Variants in CDKL5 observed in about 807,000 individuals in gnomAD.
CDKL5 encodes the protein cyclin-dependent kinase-like 5.
In CDKL5, 8 loss-of-function variants were observed where a neutral mutation model predicts 61.7. The observed-to-expected ratio is 0.13, with a 90% CI of 0.08 to 0.23. CDKL5 has a LOEUF of 0.23. Among genes scored for constraint, CDKL5 ranks in the 10% least tolerant of loss-of-function variants. The pLI, the probability that CDKL5 is intolerant of heterozygous loss-of-function variation, is 1.00. For missense variants in CDKL5, 440 were observed against 734.5 expected, an observed-to-expected ratio of 0.60 and a Z score of 4.63; for synonymous variants, 275 against 272.3, an observed-to-expected ratio of 1.01 and a Z score of -0.10.
At chrX:18,444,738 T>C (rs1458235077) in intron 1 of CDKL5, among the ~76,000 whole-genome samples, 10 of 112,941 alleles carry the variant, frequency 8.9e-5, no homozygotes, top group Admixed American at 6.6e-4. Flanking sequence ...TTTAAAAATA[T>C]AGTTATGTTT....
At chrX:18,481,102 A>G (rs188655658) in intron 1 of CDKL5, among the ~76,000 whole-genome samples, 37 of 107,828 alleles carry the variant, frequency 3.4e-4, no homozygotes, top group African/African-American at 1.1e-3. Flanking sequence ...CAGATGATCC[A>G]CCCGCCTCGG....
intron 16 of CDKL5, among the ~76,000 whole-genome samples, chrX:18,620,840 T>G (rs1926869107): frequency 9.0e-6 from 1 of 110,908 alleles, no homozygotes; most frequent in Non-Finnish European, 1.9e-5. Context: ...CTCTACCTCC[T>G]GGGCTCAAGT....
intron 1 of CDKL5, among the ~76,000 whole-genome samples, chrX:18,477,229 G>T (rs1921352043): frequency 9.0e-6 from 1 of 111,300 alleles, no homozygotes; most frequent in Non-Finnish European, 1.9e-5. Flanking sequence ...ACCACGCCTG[G>T]CTAATTTTTG....
chrX:18,596,489 T>G (rs1373135389), intron 10 of CDKL5, among the ~76,000 whole-genome samples: 3 of 112,393 alleles, frequency 2.7e-5, no homozygotes, highest in African/African-American at 6.5e-5. Flanking sequence ...AATTAAATAC[T>G]GAATACTGTT....
intron 3 of CDKL5, chrX:18,535,667 C>T (rs1602246638): frequency 6.5e-6 from 1 of 154,231 alleles, no homozygotes; most frequent in East Asian, 1.5e-4. Context: ...TGCTTACTCT[C>T]TCGCCCCCGG....
At chrX:18,529,979 TG>T (rs1331011039) in intron 3 of CDKL5, among the ~76,000 whole-genome samples, 2 of 111,442 alleles carry the variant, frequency 1.8e-5, no homozygotes, top group Non-Finnish European at 3.8e-5. Flanking sequence ...CAATTACATA[TG>T]TTACACCTTT....
rs776844003 is a variant in CDKL5, at chrX:18,564,524, T to TAG, written c.145+4_145+5dup. 1.1e-4 allele frequency: 86 copies of TAG among 779,848 alleles called. No homozygotes were observed. The allele number at this position is 779,848 out of a possible 1,213,427, so 64.3% of individuals were successfully genotyped here. On this transcript the variant is annotated splice_region_variant and intron_variant, in intron 4 of 17. Transcript: ENST00000623535. The stretch of plus-strand genomic sequence containing the variant: ...TCAAGAAATTCAAGGACAGTGAAGG[T>TAG]AGATATATATATATATATATATATA...
chrX:18,586,973 C>G (rs949577744), intron 8 of CDKL5, among the ~76,000 whole-genome samples: 1 of 111,965 alleles, frequency 8.9e-6, no homozygotes, highest in Non-Finnish European at 1.9e-5. Context: ...CTTATTATTG[C>G]AATGATTTGT....
intron 1 of CDKL5, among the ~76,000 whole-genome samples, chrX:18,427,791 A>G (rs1373289439): frequency 9.0e-6 from 1 of 111,350 alleles, no homozygotes; most frequent in Non-Finnish European, 1.9e-5. Context: ...CTTAAAATTT[A>G]TTCATGATTT....
intron 3 of CDKL5, among the ~76,000 whole-genome samples, chrX:18,556,882 CAAAAAAA>C (rs67362338): frequency 2.2e-5 from 1 of 44,961 alleles, no homozygotes; most frequent in Non-Finnish European, 3.5e-5. Context: ...GACTCCGTCT[CAAAAAAA>C]AAAAAAAAAA....
At chrX:18,527,396 A>G (rs1490698341) in intron 3 of CDKL5, among the ~76,000 whole-genome samples, 1 of 111,683 alleles carries the variant, frequency 9.0e-6, no homozygotes. Context: ...AATATTAATA[A>G]TTATTGATCA....
At chrX:18,546,300 C>T (rs866574405) in intron 3 of CDKL5, among the ~76,000 whole-genome samples, 5 of 90,883 alleles carry the variant, frequency 5.5e-5, no homozygotes, top group South Asian at 5.5e-4. Flanking sequence ...TCCCTCTTGT[C>T]GCCCAAGCTG....
At chrX:18,472,607 T>A (rs1449924497) in intron 1 of CDKL5, among the ~76,000 whole-genome samples, 1 of 111,503 alleles carries the variant, frequency 9.0e-6, no homozygotes, top group Non-Finnish European at 1.9e-5. Context: ...TGTGTACTTC[T>A]AGGCTCTTTG....
Position 18,639,104 on chromosome X carries a change from G to T in CDKL5, c.*10347G>T, listed in dbSNP as rs1276783262. Among the ~76,000 whole-genome samples, 1 of 111,480 alleles carries T rather than the reference G, an allele frequency of 9.0e-6. No homozygotes were observed. The highest frequency in any genetic ancestry group is 1.9e-5 in the Non-Finnish European group (1 of 53,093). ...TAAAACTCATAGAAGAAAACATAGG[G>T]GTAAATCTTCATGACCTTGGATTTG... is the stretch of plus-strand genomic sequence containing the variant. On this transcript the variant is annotated 3_prime_UTR_variant, in exon 18 of 18. Coordinates refer to ENST00000623535, the MANE Select transcript of CDKL5 (RefSeq NM_001323289.2).
chrX:18,440,200 C>T (rs1254695820), intron 1 of CDKL5, among the ~76,000 whole-genome samples: 2 of 112,114 alleles, frequency 1.8e-5, no homozygotes, highest in African/African-American at 6.5e-5. Flanking sequence ...AACTATTTCT[C>T]CAAGCCTGCT....
intron 3 of CDKL5, among the ~76,000 whole-genome samples, chrX:18,537,991 G>A (rs947110384): frequency 1.1e-4 from 12 of 112,038 alleles, no homozygotes; most frequent in Non-Finnish European, 2.1e-4. Context: ...GTATGTGAAT[G>A]TAATGCTTTG....
chrX:18,505,729 G>C lies in CDKL5; in HGVS notation c.-162-1206G>C, dbSNP rs142510639. 2.4e-4 allele frequency among the ~76,000 whole-genome samples: 27 copies of C among 112,430 alleles called. No individual in the cohort carries two copies. The East Asian group carries it at 7.0e-3, about 29-fold the overall frequency. On this transcript the variant is annotated intron_variant, in intron 1 of 17. Transcript: ENST00000623535. ...TATAATGTTGGTTTGTCCCCTTATT[G>C]ATGACGTTAACTTGATCATTTAATT...
chrX:18,544,292 C>A (rs1223873353), intron 3 of CDKL5, among the ~76,000 whole-genome samples: 1 of 112,018 alleles, frequency 8.9e-6, no homozygotes, highest in African/African-American at 3.2e-5. Context: ...GGATACAACC[C>A]CATGATCTCT....
chrX:18,471,573 A>G, intron 1 of CDKL5, among the ~76,000 whole-genome samples: 1 of 110,173 alleles, frequency 9.1e-6, no homozygotes, highest in Non-Finnish European at 1.9e-5. Context: ...AGGTCTCCTT[A>G]TGTTGTCCAG....
Sources: allele counts gnomAD v4.1 joint callset (sites outside exome capture counted in the v4.1 genomes callset), GRCh38; gene constraint gnomAD v4.1.1; transcripts MANE v1.5; gene names NCBI Gene and HGNC (gene_info 2026-07-23, HGNC 2026-07-21).